SLIT3: variants seen among roughly 807,000 people sequenced by gnomAD.
SLIT3 encodes slit homolog 3 protein.
SLIT3 carries 68 observed loss-of-function variants against 184.0 expected under a neutral mutation model. The ratio of observed to expected loss-of-function variants is 0.37; its 90% CI spans 0.30 to 0.45. The LOEUF is 0.45. SLIT3 is among the 20% of genes least tolerant of loss of function. The pLI is 1.00. For synonymous variants in SLIT3, 831 were observed against 828.6 expected (o/e 1.00, Z -0.05); for missense variants, 1,707 against 2,026.0 (o/e 0.84, Z 3.02).
In SLIT3 at chr5:168,795,536, G is replaced by A; in HGVS notation, c.978C>T (p.Ala326=). ...GCTTCAGTTTCTTGTACTGGGTGAA[G>A]GCTCCTGCAGGGATGGCTTTGATGG... ...QNSIKAIPAG[A]FTQYKKLKRI... The change falls in exon 10 of 36, where the codon GCC becomes GCT. Residue 326 remains alanine, a synonymous_variant. Transcript: ENST00000519560. 14 of 1,613,986 alleles carry A rather than the reference G, an allele frequency of 8.7e-6. No individual in the cohort carries two copies. The highest frequency in any genetic ancestry group is 1.1e-5 in the Non-Finnish European group (13 of 1,179,838).
intron 4 of SLIT3, among the ~76,000 whole-genome samples, chr5:169,184,670 C>A (rs183515554): frequency 6.6e-6 from 1 of 152,318 alleles, no homozygotes; most frequent in South Asian, 2.1e-4. Context: ...GGCTGTGTGG[C>A]CTGGGATGCA....
At chr5:169,002,785 G>T (rs1354764599) in intron 4 of SLIT3, among the ~76,000 whole-genome samples, 1 of 152,108 alleles carries the variant, frequency 6.6e-6, no homozygotes, top group Non-Finnish European at 1.5e-5. Flanking sequence ...TGCCATAGAG[G>T]CACAAAACTT....
chr5:169,139,158 G>C (rs1313951902), intron 4 of SLIT3, among the ~76,000 whole-genome samples: 1 of 152,230 alleles, frequency 6.6e-6, no homozygotes, highest in Non-Finnish European at 1.5e-5. Flanking sequence ...TTGGGGGTAA[G>C]ATTGTTTTCT....
At chr5:168,950,722 AT>A (rs1762624220) in intron 4 of SLIT3, among the ~76,000 whole-genome samples, 1 of 152,220 alleles carries the variant, frequency 6.6e-6, no homozygotes, top group African/African-American at 2.4e-5. Flanking sequence ...GCCTCAAAAC[AT>A]TACCACGTAA....
chr5:169,198,030 C>A (rs1763794162), intron 3 of SLIT3, among the ~76,000 whole-genome samples: 1 of 152,234 alleles, frequency 6.6e-6, no homozygotes, highest in African/African-American at 2.4e-5. Context: ...TTTATCTGTA[C>A]ATCCAACCAC....
At chr5:168,764,061 T>C (rs11745421) in intron 14 of SLIT3, among the ~76,000 whole-genome samples, 12,052 of 152,282 alleles carry the variant, frequency 0.079, 525 homozygotes, top group Non-Finnish European at 0.092. Context: ...TCTCTCTCCA[T>C]GTAAAATGGG....
At chr5:169,294,777 T>G (rs1171677927) in intron 1 of SLIT3, among the ~76,000 whole-genome samples, 2 of 152,194 alleles carry the variant, frequency 1.3e-5, no homozygotes, top group East Asian at 1.9e-4. Flanking sequence ...TGGTCTAGCC[T>G]ACTATACGTC....
At chr5:168,696,543 A>G in intron 27 of SLIT3, 112 bp from the exon 28 acceptor site, 2 of 1,298,318 alleles carry the variant, frequency 1.5e-6, no homozygotes, top group African/African-American at 2.9e-5. Context: ...TTTCCTCCAG[A>G]TGGAGGTCTG....
At chr5:168,684,983 C>A (rs1761701408) in intron 31 of SLIT3, among the ~76,000 whole-genome samples, 1 of 150,584 alleles carries the variant, frequency 6.6e-6, no homozygotes, top group South Asian at 2.1e-4. Flanking sequence ...CAGAGTCCTG[C>A]CCTGTTGCCC....
intron 5 of SLIT3, among the ~76,000 whole-genome samples, chr5:168,865,693 G>A (rs951508243): frequency 6.6e-6 from 1 of 152,100 alleles, no homozygotes; most frequent in Non-Finnish European, 1.5e-5. Flanking sequence ...TTTTTAGGTA[G>A]ATTAAATCTC....
intron 4 of SLIT3, chr5:169,018,721 A>G (rs1333858770): frequency 6.6e-6 from 1 of 152,214 alleles, no homozygotes; most frequent in Non-Finnish European, 1.5e-5. Context: ...TCACTCTTCA[A>G]TGCTTTGCAG....
At chr5:168,708,939 C>G (rs967739612) in intron 25 of SLIT3, among the ~76,000 whole-genome samples, 1 of 152,100 alleles carries the variant, frequency 6.6e-6, no homozygotes, top group Non-Finnish European at 1.5e-5. Flanking sequence ...GGGGCTCAAC[C>G]CGACTTCACA....
At chr5:168,846,873 A>T (rs1758491617) in intron 5 of SLIT3, among the ~76,000 whole-genome samples, 2 of 152,234 alleles carry the variant, frequency 1.3e-5, no homozygotes, top group South Asian at 4.1e-4. Flanking sequence ...GAAAGAATGG[A>T]ATCTGCAGGG....
intron 4 of SLIT3, among the ~76,000 whole-genome samples, chr5:169,083,893 C>T (rs1759173910): frequency 6.6e-6 from 1 of 152,166 alleles, no homozygotes; most frequent in Non-Finnish European, 1.5e-5. Context: ...GCAAATTGTC[C>T]CTCGTGGTTA....
chr5:168,947,399 G>A (rs574905743), intron 4 of SLIT3, among the ~76,000 whole-genome samples: 3 of 152,264 alleles, frequency 2.0e-5, no homozygotes, highest in African/African-American at 7.2e-5. Context: ...TGCCGCCCTG[G>A]TGCCTGGACT....
chr5:168,971,159 G>A (rs749072744), intron 4 of SLIT3, among the ~76,000 whole-genome samples: 12 of 152,204 alleles, frequency 7.9e-5, no homozygotes, highest in African/African-American at 2.7e-4. Flanking sequence ...AGGAAAGTAC[G>A]CTATTAGCAT....
chr5:168,741,234 G>T (rs1763624575), intron 20 of SLIT3, among the ~76,000 whole-genome samples: 1 of 152,146 alleles, frequency 6.6e-6, no homozygotes, highest in Admixed American at 6.5e-5. Flanking sequence ...ACTTTGGGAG[G>T]CCGAGGCGGG....
intron 4 of SLIT3, among the ~76,000 whole-genome samples, chr5:169,093,874 A>G (rs1759679538): frequency 6.6e-6 from 1 of 152,188 alleles, no homozygotes; most frequent in Admixed American, 6.5e-5. Flanking sequence ...TTTTTATTTC[A>G]AGTAAAAATT....
In SLIT3 at chr5:169,070,789, A is replaced by C. The variant is rs150067018; in HGVS notation, c.413+122690T>G. On this transcript the variant is annotated intron_variant, in intron 4 of 35. Transcript: ENST00000519560. ...ACATTTGCCTAGACTTGCTCTCTAC[A>C]TTTTCCTCAAAAAAAAAAAAAAAAA... 7.9e-3 allele frequency among the ~76,000 whole-genome samples: 945 copies of C among 120,170 alleles called. 9 individuals are homozygous for C. Among genetic ancestry groups the C allele is most frequent in the African/African-American group, 0.03 (899 of 30,312 alleles). 78.8% of individuals were successfully genotyped at this position (120,170 alleles called of 152,430 possible). A position where few individuals can be genotyped will look rare whatever the true frequency, so the allele number is the denominator to read the frequency against.
Sources: gnomAD v4.1 joint callset for allele counts (sites outside exome capture counted in the v4.1 genomes callset) on GRCh38, gnomAD v4.1.1 for gene constraint, MANE v1.5 for transcripts, NCBI Gene and HGNC (gene_info 2026-07-23, HGNC 2026-07-21) for gene names.